Variants in TCAIM observed in about 807,000 individuals in gnomAD.
The protein encoded by TCAIM is T cell activation inhibitor, mitochondrial.
A neutral mutation model predicts 58.6 loss-of-function variants in TCAIM; 36 were observed. The observed-to-expected ratio is 0.61, with a 90% CI of 0.47 to 0.81. The LOEUF (loss-of-function observed/expected upper bound fraction) is 0.81. TCAIM is among the 30% of genes least tolerant of loss of function. The pLI is 0.00. For missense variants in TCAIM, 466 were observed against 579.6 expected (o/e 0.80, Z 2.01); for synonymous variants, 172 against 193.6 (o/e 0.89, Z 0.93).
At chr3:44,360,333 T>C (rs1252013945) in intron 3 of TCAIM, among the ~76,000 whole-genome samples, 2 of 152,104 alleles carry the variant, frequency 1.3e-5, no homozygotes, top group African/African-American at 4.8e-5. Context: ...CTTCCTACTA[T>C]TAGAGAACAC....
intron 1 of TCAIM, among the ~76,000 whole-genome samples, chr3:44,349,399 TA>T (rs1278268435): frequency 6.6e-6 from 1 of 152,152 alleles, no homozygotes; most frequent in East Asian, 1.9e-4. Context: ...GTTTAGGTTT[TA>T]GGTTAGGTGT....
intron 1 of TCAIM, among the ~76,000 whole-genome samples, chr3:44,343,523 C>T (rs1335336814): frequency 6.6e-6 from 1 of 152,112 alleles, no homozygotes; most frequent in Non-Finnish European, 1.5e-5. Flanking sequence ...TACTGAGATA[C>T]TTTCCATTGT....
intron 5 of TCAIM, among the ~76,000 whole-genome samples, chr3:44,392,547 G>T (rs1372839098): frequency 1.3e-5 from 2 of 152,128 alleles, no homozygotes; most frequent in Admixed American, 1.3e-4. Context: ...TCATCATTTA[G>T]CTCCCGTTTA....
chr3:44,360,694 C>T (rs1186235667), intron 3 of TCAIM, among the ~76,000 whole-genome samples: 6 of 151,710 alleles, frequency 4.0e-5, no homozygotes, highest in Non-Finnish European at 8.8e-5. Flanking sequence ...CAGCCTCGAA[C>T]TCCTGGGCTT....
At chr3:44,394,907 AAAAAAAAAAAAAAAATATATATATAT>A (rs1160158466) in intron 6 of TCAIM, among the ~76,000 whole-genome samples, 1 of 50,562 alleles carries the variant, frequency 2.0e-5, no homozygotes. Flanking sequence ...AAAAAAAAAA[AAAAAAAAAAAAAAAATATATATATAT>A]ATATATATAT....
At chr3:44,356,843 G>T (rs1316018733) in intron 2 of TCAIM, among the ~76,000 whole-genome samples, 1 of 151,544 alleles carries the variant, frequency 6.6e-6, no homozygotes, top group South Asian at 2.1e-4. Context: ...GGCGGTAGTG[G>T]CACATGCCTG....
At chr3:44,380,094 G>C (rs1371046538) in intron 5 of TCAIM, among the ~76,000 whole-genome samples, 1 of 152,040 alleles carries the variant, frequency 6.6e-6, no homozygotes, top group Non-Finnish European at 1.5e-5. Context: ...AATGTAAAAT[G>C]TAAAGTAGTA....
chr3:44,406,593 AGTTTAT>A (rs1208884174), intron 10 of TCAIM, among the ~76,000 whole-genome samples: 2 of 152,200 alleles, frequency 1.3e-5, no homozygotes, highest in African/African-American at 4.8e-5. Context: ...TTTACTGTCT[AGTTTAT>A]GGAAATTTTA....
At chr3:44,351,961 TTAA>T (rs1213320084) in intron 1 of TCAIM, among the ~76,000 whole-genome samples, 8 of 151,540 alleles carry the variant, frequency 5.3e-5, no homozygotes, top group Admixed American at 5.3e-4. Context: ...TATCATTCTA[TTAA>T]TAACAGTTAT....
intron 9 of TCAIM, 96 bp from the exon 10 acceptor site, chr3:44,401,107 T>C (rs1575281431): frequency 1.5e-6 from 2 of 1,375,196 alleles, no homozygotes; most frequent in Non-Finnish European, 1.9e-6. Context: ...TTCTTGATGA[T>C]TTTTTTTTAT....
At chr3:44,370,653 G>T (rs1701450123) in intron 5 of TCAIM, among the ~76,000 whole-genome samples, 1 of 150,780 alleles carries the variant, frequency 6.6e-6, no homozygotes, top group Admixed American at 6.6e-5. Context: ...TAGCATTACA[G>T]TAGATAGGTT....
chr3:44,403,307 C>T (rs1037046485), intron 10 of TCAIM, among the ~76,000 whole-genome samples: 4 of 152,080 alleles, frequency 2.6e-5, no homozygotes, highest in Non-Finnish European at 4.4e-5. Flanking sequence ...TGGCAACTAA[C>T]GATGGAAGCC....
At chr3:44,395,174 C>T (rs1443482277) in intron 6 of TCAIM, among the ~76,000 whole-genome samples, 3 of 151,276 alleles carry the variant, frequency 2.0e-5, no homozygotes, top group Non-Finnish European at 4.4e-5. Flanking sequence ...CATTTACTAC[C>T]TTTGTCACTT....
At chr3:44,363,033 T>C (rs548417137) in intron 4 of TCAIM, 1 of 152,362 alleles carries the variant, frequency 6.6e-6, no homozygotes, top group South Asian at 2.1e-4. Context: ...AAAAATATTA[T>C]CATCAATCTG....
chr3:44,383,669 G>T (rs1265161610), intron 5 of TCAIM, among the ~76,000 whole-genome samples: 1 of 151,886 alleles, frequency 6.6e-6, no homozygotes, highest in East Asian at 1.9e-4. Flanking sequence ...CCACTGAACT[G>T]TACACTTAAA....
rs1320495593 is a variant in TCAIM, at chr3:44,408,392, A to G, written c.*710A>G. On this transcript the variant is annotated 3_prime_UTR_variant, in exon 11 of 11. Transcript: ENST00000342649. ...GGTAACAGAAATTAGATAACCACCAATTTTGCCCAAGAGAAAGACTAGAAG... is the reference window on the plus strand; with the variant it reads ...GGTAACAGAAATTAGATAACCACCAGTTTTGCCCAAGAGAAAGACTAGAAG... 1.3e-5 allele frequency: 2 copies of G among 152,228 alleles called. No homozygotes were observed. Among genetic ancestry groups the G allele is most frequent in the Non-Finnish European group, 2.9e-5 (2 of 68,046 alleles). 9.4% of individuals were successfully genotyped at this position (152,228 alleles called of 1,614,324 possible).
intron 5 of TCAIM, among the ~76,000 whole-genome samples, chr3:44,373,622 C>G (rs1373126245): frequency 6.6e-6 from 1 of 151,694 alleles, no homozygotes; most frequent in Non-Finnish European, 1.5e-5. Context: ...CCACTGCACT[C>G]TAGCGTGGGT....
At chr3:44,357,343 C>T (rs567383341) in intron 2 of TCAIM, among the ~76,000 whole-genome samples, 1 of 148,784 alleles carries the variant, frequency 6.7e-6, no homozygotes, top group African/African-American at 2.5e-5. Context: ...AAGACTCTGT[C>T]TGAAAGAAAA....
intron 1 of TCAIM, among the ~76,000 whole-genome samples, chr3:44,339,037 T>G (rs1350977776): frequency 1.3e-5 from 2 of 152,210 alleles, no homozygotes; most frequent in Non-Finnish European, 2.9e-5. Context: ...TTAGGTTTTA[T>G]TGTTTCCGAC....
Sources: allele counts gnomAD v4.1 joint callset (sites outside exome capture counted in the v4.1 genomes callset), GRCh38; gene constraint gnomAD v4.1.1; transcripts MANE v1.5; gene names NCBI Gene and HGNC (gene_info 2026-07-23, HGNC 2026-07-21).